Variants in CUX1 observed in about 807,000 individuals in gnomAD.
CUX1 encodes protein CASP.
A neutral mutation model predicts 158.8 loss-of-function variants in CUX1; 31 were observed. That is an observed-to-expected ratio of 0.20 (90% CI 0.15 to 0.26). The LOEUF (loss-of-function observed/expected upper bound fraction) is 0.26, where lower values mean the gene tolerates loss of function less well. Among genes scored for constraint, CUX1 ranks in the 10% least tolerant of loss-of-function variants. CUX1 has a pLI of 1.00. For synonymous variants in CUX1, 879 were observed against 862.1 expected (o/e 1.02, Z -0.34); for missense variants, 1,589 against 2,014.6 (o/e 0.79, Z 4.04).
intron 8 of CUX1, among the ~76,000 whole-genome samples, chr7:102,148,883 T>C (rs395848): frequency 0.2 from 30,926 of 151,434 alleles, 5,142 homozygotes; most frequent in African/African-American, 0.46. Context: ...CCTTTGCATT[T>C]TCATCGCTTA....
intron 11 of CUX1, 34 bp downstream of exon 11, chr7:102,178,691 G>C (rs1792676226): frequency 6.4e-7 from 1 of 1,558,848 alleles, no homozygotes; most frequent in Non-Finnish European, 8.7e-7. Flanking sequence ...GGTGGCCCGA[G>C]GAGGCAGGGC....
chr7:102,115,362 TCTGTG>T, intron 8 of CUX1, 89 bp downstream of exon 8: 1 of 1,098,470 alleles, frequency 9.1e-7, no homozygotes, highest in Non-Finnish European at 1.3e-6. Context: ...GTTCTTGACC[TCTGTG>T]CTGCTGCAGG....
In CUX1 at chr7:102,101,735, C is replaced by T. The variant is rs528951329; in HGVS notation, c.407-2601C>T. Among the ~76,000 whole-genome samples the T allele has an allele frequency of 2.2e-4, 34 of 152,122 alleles. No homozygotes were observed. In the East Asian group the frequency reaches 4.3e-3, roughly 19 times the overall value. ...GACCAGCCTCGCCAACATGGTGAAA[C>T]CCCGTCTCTACTTAAAAAATACAAG... On this transcript the variant is annotated intron_variant, in intron 5 of 23. Coordinates refer to ENST00000292535, the MANE Select transcript of CUX1 (RefSeq NM_181552.4).
chr7:102,251,695 G>T lies in CUX1; in HGVS notation c.*2653G>T. 1.0e-6 allele frequency: 1 copy of T among 985,406 alleles called. No homozygotes were observed. The highest frequency in any genetic ancestry group is 1.2e-6 in the Non-Finnish European group (1 of 829,920). The allele number at this position is 985,406 out of a possible 1,614,324, so 61.0% of individuals were successfully genotyped here. On this transcript the variant is annotated 3_prime_UTR_variant, in exon 24 of 24. Coordinates refer to ENST00000292535, the MANE Select transcript of CUX1 (RefSeq NM_181552.4). ...TTAGGACAGTGAGTGGCAGAGCCCT[G>T]ACGACTGTGGTGTCCTCTCCACAAA...
intron 1 of CUX1, among the ~76,000 whole-genome samples, chr7:101,831,941 C>A (rs971823914): frequency 2.6e-5 from 4 of 151,732 alleles, no homozygotes; most frequent in Non-Finnish European, 5.9e-5. Flanking sequence ...ATGGGGGGGT[C>A]TCACTGTGTT....
At chr7:101,862,899 A>AT (rs11306288) in intron 1 of CUX1, among the ~76,000 whole-genome samples, 4,026 of 149,250 alleles carry the variant, frequency 0.027, 102 homozygotes, top group African/African-American at 0.063. Flanking sequence ...CATTTCATGT[A>AT]TTTTTTTTTT....
chr7:102,050,019 A>G (rs425577), intron 3 of CUX1, among the ~76,000 whole-genome samples: 127,617 of 152,126 alleles, frequency 0.84, 53,653 homozygotes, highest in East Asian at 0.99. Flanking sequence ...TGTGGACCAG[A>G]ACACCCCCCT....
upstream of CUX1, chr7:101,816,832 C>G (rs1375080949): frequency 6.9e-5 from 55 of 801,344 alleles, no homozygotes; most frequent in Non-Finnish European, 8.0e-5. Flanking sequence ...CGCTCGCTAC[C>G]CCCGGCCGGC....
Position 102,257,892 on chromosome 7 carries a change from A to C in CUX1, c.*8850A>C. ...AAAAAAGAAAAAAGGAAAAAAAAAA[A>C]GTCGTCTTTTTTTTTTTTTTTTGTA... On this transcript the variant is annotated 3_prime_UTR_variant, in exon 24 of 24. Coordinates refer to ENST00000292535, the MANE Select transcript of CUX1 (RefSeq NM_181552.4). The C allele has an allele frequency of 2.0e-6, 2 of 981,576 alleles. No homozygotes were observed. The highest frequency in any genetic ancestry group is 2.4e-6 in the Non-Finnish European group (2 of 828,100). The allele number at this position is 981,576 out of a possible 1,614,324, so 60.8% of individuals were successfully genotyped here.
rs146649607 is a variant in CUX1, at chr7:102,073,952, G to A, written c.268+3535G>A. ...TCCACATAGATCCCTTTCACCCACC[G>A]CTTCCCAGGTATTTCTTACAAATGC... is the stretch of plus-strand genomic sequence containing the variant. On this transcript the variant is annotated intron_variant, in intron 4 of 23. Coordinates refer to ENST00000292535, the MANE Select transcript of CUX1 (RefSeq NM_181552.4). Among the ~76,000 whole-genome samples the A allele has an allele frequency of 7.9e-5, 12 of 152,218 alleles. No homozygotes were observed. The East Asian group carries it at 1.9e-3, about 25-fold the overall frequency.
intron 20 of CUX1, among the ~76,000 whole-genome samples, chr7:102,218,476 G>C (rs1797465022): frequency 6.6e-6 from 1 of 152,222 alleles, no homozygotes; most frequent in South Asian, 2.1e-4. Context: ...TTGAGCCCAG[G>C]AGTTCAAGAC....
At chr7:102,160,435 C>G (rs1312974301) in intron 9 of CUX1, among the ~76,000 whole-genome samples, 11 of 152,062 alleles carry the variant, frequency 7.2e-5, no homozygotes, top group African/African-American at 2.7e-4. Flanking sequence ...CCCCAGCTAC[C>G]TAAGAAGTTT....
chr7:101,942,132 C>T (rs1807792279), intron 2 of CUX1, among the ~76,000 whole-genome samples: 1 of 152,112 alleles, frequency 6.6e-6, no homozygotes, highest in Non-Finnish European at 1.5e-5. Context: ...TTTTAGGGTA[C>T]TGCAGGTTTA....
At chr7:101,972,725 T>C (rs1428638690) in intron 2 of CUX1, among the ~76,000 whole-genome samples, 3 of 152,100 alleles carry the variant, frequency 2.0e-5, no homozygotes, top group Admixed American at 2.0e-4. Context: ...CAATGCCTCC[T>C]CCTCCAGGCC....
chr7:102,208,856 G>A (rs945456442), intron 20 of CUX1, among the ~76,000 whole-genome samples: 9 of 152,220 alleles, frequency 5.9e-5, no homozygotes, highest in African/African-American at 1.9e-4. Context: ...TTGCAAGCCC[G>A]GCTTGGCTTC....
intron 20 of CUX1, among the ~76,000 whole-genome samples, chr7:102,215,309 G>C (rs537454470): frequency 7.2e-6 from 1 of 139,614 alleles, no homozygotes; most frequent in Admixed American, 8.0e-5. Flanking sequence ...TTAGTGCAGG[G>C]ACTCCCCAGG....
At chr7:102,154,646 G>A (rs1452411570) in intron 8 of CUX1, among the ~76,000 whole-genome samples, 1 of 148,486 alleles carries the variant, frequency 6.7e-6, no homozygotes, top group African/African-American at 2.6e-5. Flanking sequence ...CTAAAGACCA[G>A]TTAGATCAAG....
chr7:101,914,547 G>A (rs1318888440), intron 1 of CUX1, among the ~76,000 whole-genome samples: 1 of 151,056 alleles, frequency 6.6e-6, no homozygotes, highest in Non-Finnish European at 1.5e-5. Context: ...TGCCCAGGCT[G>A]GAGTGCAGTG....
intron 18 of CUX1, among the ~76,000 whole-genome samples, chr7:102,279,314 C>T (rs1791874404): frequency 6.6e-6 from 1 of 152,186 alleles, no homozygotes; most frequent in African/African-American, 2.4e-5. Flanking sequence ...GCACTCCAGC[C>T]TGGGCGACAG....
Sources: gnomAD v4.1 joint callset for allele counts (sites outside exome capture counted in the v4.1 genomes callset) on GRCh38, gnomAD v4.1.1 for gene constraint, MANE v1.5 for transcripts, NCBI Gene and HGNC (gene_info 2026-07-23, HGNC 2026-07-21) for gene names.